MBOAT2: variants seen among roughly 807,000 people sequenced by gnomAD.
MBOAT2 encodes the protein membrane-bound glycerophospholipid O-acyltransferase 2.
MBOAT2 carries 28 observed loss-of-function variants against 63.4 expected under a neutral mutation model. The ratio of observed to expected loss-of-function variants is 0.44; its 90% CI spans 0.33 to 0.61. MBOAT2 has a LOEUF of 0.61. MBOAT2 is among the 20% of genes least tolerant of loss of function. The pLI, the probability that MBOAT2 is intolerant of heterozygous loss-of-function variation, is 0.03. For synonymous variants in MBOAT2, 211 were observed against 215.6 expected (o/e 0.98, Z 0.19); for missense variants, 470 against 605.8 (o/e 0.78, Z 2.35).
chr2:8,937,881 C>T (rs758165273), intron 3 of MBOAT2, among the ~76,000 whole-genome samples: 3 of 152,168 alleles, frequency 2.0e-5, no homozygotes, highest in Non-Finnish European at 4.4e-5. Context: ...TGCTCCTGCT[C>T]TCCTATCACT....
In MBOAT2 at chr2:8,958,649, AG is replaced by A; in HGVS notation, c.76-8del. The A allele has an allele frequency of 6.4e-7, 1 of 1,551,306 alleles. No individual in the cohort carries two copies. Among genetic ancestry groups the A allele is most frequent in the South Asian group, 1.2e-5 (1 of 81,392 alleles). ...GGCACACTACAAAGTTGACCTGTAA[AG>A]AAAAATTAAAATTTTGTATTAGCAA... On this transcript the variant is annotated splice_region_variant and splice_polypyrimidine_tract_variant and intron_variant, in intron 1 of 12. Coordinates refer to ENST00000305997, the MANE Select transcript of MBOAT2 (RefSeq NM_138799.4).
intron 6 of MBOAT2, among the ~76,000 whole-genome samples, chr2:8,881,835 T>C (rs1255562544): frequency 6.6e-6 from 1 of 152,130 alleles, no homozygotes; most frequent in African/African-American, 2.4e-5. Flanking sequence ...ACAAACAATC[T>C]CATTCTTCTA....
At position 9,003,582 on chromosome 2, in the gene MBOAT2, C is replaced by G; in HGVS notation, c.33G>C (p.Leu11=). Residue 11 remains leucine, a synonymous_variant, in exon 1 of 13, where the codon CTG becomes CTC. Coordinates refer to ENST00000305997, the MANE Select transcript of MBOAT2 (RefSeq NM_138799.4). This position sits in a 1 kb window ranked among gnomAD's most constrained non-coding sequence, Gnocchi z 5.4. The part of the protein sequence containing the change: MATTSTTGST[L]LQPLSNAVQL... ...GCACGGCGTTGCTGAGGGGCTGCAG[C>G]AGGGTGGAGCCCGTGGTGCTGGTGG... 2 of 1,228,640 alleles carry G rather than the reference C, an allele frequency of 1.6e-6. No homozygotes were observed. Among genetic ancestry groups the G allele is most frequent in the Non-Finnish European group, 2.0e-6 (2 of 979,044 alleles). The allele number at this position is 1,228,640 out of a possible 1,614,324, so 76.1% of individuals were successfully genotyped here. A position where few individuals can be genotyped will look rare whatever the true frequency, so the allele number is the denominator to read the frequency against.
intron 1 of MBOAT2, among the ~76,000 whole-genome samples, chr2:8,988,142 A>G (rs1354409605): frequency 1.3e-5 from 2 of 152,218 alleles, no homozygotes; most frequent in Admixed American, 1.3e-4. Flanking sequence ...GATGAACTGA[A>G]CTTTGGCTTT....
At chr2:8,980,314 T>C (rs952546072) in intron 1 of MBOAT2, among the ~76,000 whole-genome samples, 7 of 152,086 alleles carry the variant, frequency 4.6e-5, no homozygotes, top group African/African-American at 1.7e-4. Context: ...CAACAGCGGA[T>C]CTGAGGCAAG....
chr2:8,950,747 C>T (rs1427077475), intron 2 of MBOAT2, among the ~76,000 whole-genome samples: 1 of 152,116 alleles, frequency 6.6e-6, no homozygotes, highest in Non-Finnish European at 1.5e-5. Context: ...AGTTTTTGCC[C>T]ATTCAGTATG....
intron 5 of MBOAT2, 38 bp downstream of exon 5, chr2:8,887,980 A>AT: frequency 6.3e-7 from 1 of 1,578,926 alleles, no homozygotes; most frequent in Non-Finnish European, 8.7e-7. Flanking sequence ...TTGGAATTAA[A>AT]TTTTTTCAGC....
intron 4 of MBOAT2, among the ~76,000 whole-genome samples, chr2:8,907,906 CATG>C (rs1665447762): frequency 6.6e-6 from 1 of 151,782 alleles, no homozygotes; most frequent in African/African-American, 2.4e-5. Flanking sequence ...TCAGAGGTAA[CATG>C]ATTTTTCCAA....
intron 12 of MBOAT2, 27 bp from the exon 13 acceptor site, chr2:8,858,931 T>C (rs1432269185): frequency 6.7e-7 from 1 of 1,493,154 alleles, no homozygotes; most frequent in Non-Finnish European, 9.2e-7. Context: ...AAAAGTTTAT[T>C]AAAACTTGAT....
At chr2:8,911,007 T>G (rs1004593707) in intron 3 of MBOAT2, among the ~76,000 whole-genome samples, 1 of 152,190 alleles carries the variant, frequency 6.6e-6, no homozygotes, top group Non-Finnish European at 1.5e-5. Flanking sequence ...GGACTGGGTC[T>G]GGGCCCTAAA....
rs1035459362 is a variant in MBOAT2, at chr2:8,882,634, C to T, written c.452-69G>A. ...AAAATGGCATTTTTGCCCATGCACACTTTCATTACTTTCCTCATTTGAAAT... is the reference window on the plus strand; with the variant it reads ...AAAATGGCATTTTTGCCCATGCACATTTTCATTACTTTCCTCATTTGAAAT... On this transcript the variant is annotated intron_variant, in intron 5 of 12. Transcript: ENST00000305997. 15 of 1,290,056 alleles carry T rather than the reference C, an allele frequency of 1.2e-5. No homozygotes were observed. In the South Asian group the frequency reaches 1.8e-4, roughly 15 times the overall value. The allele number at this position is 1,290,056 out of a possible 1,614,324, so 79.9% of individuals were successfully genotyped here.
At chr2:9,000,605 A>G (rs1450906992) in intron 1 of MBOAT2, among the ~76,000 whole-genome samples, 1 of 152,218 alleles carries the variant, frequency 6.6e-6, no homozygotes, top group Non-Finnish European at 1.5e-5. Flanking sequence ...AAAATGCATC[A>G]TTAGGCAATT....
intron 3 of MBOAT2, among the ~76,000 whole-genome samples, chr2:8,912,290 AAAAGAAAGAAAAGAAAG>A (rs1272819677): frequency 1.8e-4 from 23 of 126,040 alleles, no homozygotes; most frequent in African/African-American, 4.0e-4. Context: ...AGACAGAAGG[AAAAGAAAGAAAAGAAAG>A]AAAGAAAGAA....
At chr2:8,954,667 C>T (rs190463668) in intron 2 of MBOAT2, among the ~76,000 whole-genome samples, 1 of 152,340 alleles carries the variant, frequency 6.6e-6, no homozygotes, top group Non-Finnish European at 1.5e-5. Flanking sequence ...ACCCTTGAAC[C>T]ACAGTCTATG....
Position 8,857,392 on chromosome 2 carries a change from C to T in MBOAT2, c.*1287G>A, listed in dbSNP as rs1035908584. 3 of 152,440 alleles carry T rather than the reference C, an allele frequency of 2.0e-5. No homozygotes were observed. Among genetic ancestry groups the T allele is most frequent in the African/African-American group, 4.8e-5 (2 of 41,426 alleles). The allele number at this position is 152,440 out of a possible 1,614,324, so 9.4% of individuals were successfully genotyped here. On this transcript the variant is annotated 3_prime_UTR_variant, in exon 13 of 13. Transcript: ENST00000305997. ...GTCCTCTGTGGGATCGCAGGAGATG[C>T]TTAGTAATCCAAGGCAAGATTAGTT...
rs138851569 is a variant in MBOAT2 at position 8,955,558 on chromosome 2, G to C, written c.221+2939C>G. Among the ~76,000 whole-genome samples, 481 of 152,248 alleles carry C rather than the reference G, an allele frequency of 3.2e-3. 2 individuals are homozygous for C. Among genetic ancestry groups the C allele is most frequent in the Non-Finnish European group, 5.3e-3 (359 of 68,006 alleles). ...TAAAGCTCAGAGAGTTGATCTTTAT[G>C]TACTATCGTGCTATTTCCAAGTGGC... is the stretch of plus-strand genomic sequence containing the variant. On this transcript the variant is annotated intron_variant, in intron 2 of 12. Transcript: ENST00000305997.
rs1661097634 is a variant in MBOAT2 at position 8,856,555 on chromosome 2, T to C, written c.*2124A>G. The C allele has an allele frequency of 6.6e-6, 1 of 151,750 alleles. No individual in the cohort carries two copies. Among genetic ancestry groups the C allele is most frequent in the African/African-American group, 2.4e-5 (1 of 41,162 alleles). The allele number at this position is 151,750 out of a possible 1,614,324, so 9.4% of individuals were successfully genotyped here. On this transcript the variant is annotated 3_prime_UTR_variant, in exon 13 of 13. Coordinates refer to ENST00000305997, the MANE Select transcript of MBOAT2 (RefSeq NM_138799.4). This position sits in a 1 kb window ranked among gnomAD's most constrained non-coding sequence, Gnocchi z 4.2. ...TTAAACAGCTGGCATAATTTCTTTT[T>C]TCTTTTTTTTTTTTTGTGAGACGGA...
chr2:8,908,825 AC>A (rs1665512033), intron 3 of MBOAT2, 109 bp from the exon 4 acceptor site: 5 of 641,292 alleles, frequency 7.8e-6, no homozygotes, highest in Non-Finnish European at 1.4e-5. Context: ...ATTAAATATT[AC>A]TAGATCTACT....
At chr2:8,967,773 T>C (rs1226818774) in intron 1 of MBOAT2, among the ~76,000 whole-genome samples, 1 of 151,966 alleles carries the variant, frequency 6.6e-6, no homozygotes, top group Non-Finnish European at 1.5e-5. Flanking sequence ...ATAAAGATAA[T>C]ATCTGAAATA....
Sources: gnomAD v4.1 joint callset for allele counts (sites outside exome capture counted in the v4.1 genomes callset) on GRCh38, gnomAD v4.1.1 for gene constraint, Gnocchi (gnomAD v3.1) non-coding constraint, MANE v1.5 for transcripts, NCBI Gene and HGNC (gene_info 2026-07-23, HGNC 2026-07-21) for gene names.